The following ADGRD2 variants were observed in gnomAD, a reference collection of about 807,000 sequenced individuals.
ADGRD2 encodes adhesion G protein-coupled receptor D2.
ADGRD2 carries 71 observed loss-of-function variants against 44.4 expected under a neutral mutation model. That is an observed-to-expected ratio of 1.60 (90% CI 1.32 to 1.95). The LOEUF (loss-of-function observed/expected upper bound fraction) is 1.95. Ranked by LOEUF, ADGRD2 falls within the 30% of genes most tolerant of loss-of-function variation. ADGRD2 has a pLI of 0.00. For synonymous variants in ADGRD2, 481 were observed against 224.8 expected, an observed-to-expected ratio of 2.14 and a Z score of -10.19; for missense variants, 1,039 against 512.4, an observed-to-expected ratio of 2.03 and a Z score of -9.92.
In ADGRD2 at chr9:124,462,935, T is replaced by TCTCTC. The variant is rs1564140581; in HGVS notation, c.1871-3323_1871-3322insCTCTC. The stretch of plus-strand genomic sequence containing the variant: ...CCTTCCTGACTTTCTCTCTCTCTCT[T>TCTCTC]TCTCTCTCTCTCCTTCCTTCCTTCA... On this transcript the variant is annotated intron_variant, in intron 10 of 21. Coordinates refer to ENST00000334810, the Ensembl canonical transcript of ADGRD2. 7.4e-5 allele frequency among the ~76,000 whole-genome samples: 11 copies of TCTCTC among 149,124 alleles called. No individual in the cohort carries two copies. In the South Asian group the frequency reaches 8.7e-4, roughly 12 times the overall value.
chr9:124,450,608 T>C (rs548940180), upstream of ADGRD2, among the ~76,000 whole-genome samples: 301 of 152,176 alleles, frequency 2.0e-3, 2 homozygotes, highest in South Asian at 3.9e-3. Context: ...GGACGCGCAG[T>C]GGTGGGCAAA....
chr9:124,462,089 A>C (rs1831732518), intron 10 of ADGRD2, among the ~76,000 whole-genome samples: 1 of 151,296 alleles, frequency 6.6e-6, no homozygotes, highest in Non-Finnish European at 1.5e-5. Flanking sequence ...ACAGGGTCTC[A>C]TTTTGTTGCC....
chr9:124,453,239 C>T (rs760955825), exon 3 of ADGRD2: 12 of 566,852 alleles, frequency 2.1e-5, no homozygotes, highest in Non-Finnish European at 3.7e-5. Flanking sequence ...TTCGCCGAGC[C>T]GGGGGGCGTC....
At chr9:124,468,792 A>G in intron 14 of ADGRD2, 120 bp downstream of exon 17, 1 of 616,052 alleles carries the variant, frequency 1.6e-6, no homozygotes, top group South Asian at 1.9e-5. Context: ...AGCATCCGGC[A>G]TTTAGCGTCA....
chr9:124,452,808 C>T (rs930696374), intron 2 of ADGRD2, 86 bp downstream of exon 5: 24 of 651,516 alleles, frequency 3.7e-5, no homozygotes, highest in Non-Finnish European at 5.6e-5. Flanking sequence ...ACAATATTTG[C>T]AGAATGAGCC....
chr9:124,466,663 A>G (rs1831830747), intron 11 of ADGRD2: 5 of 295,640 alleles, frequency 1.7e-5, no homozygotes, highest in Middle Eastern at 9.2e-4. Flanking sequence ...TGCAAAAATT[A>G]GCCAGGTGTG....
intron 6 of ADGRD2, among the ~76,000 whole-genome samples, chr9:124,455,646 A>G (rs1831601791): frequency 6.6e-6 from 1 of 152,212 alleles, no homozygotes; most frequent in African/African-American, 2.4e-5. Context: ...TGAAGTGATT[A>G]AGAACCACCA....
chr9:124,473,708 T>G (rs1831993519), intron 17 of ADGRD2, among the ~76,000 whole-genome samples: 1 of 152,152 alleles, frequency 6.6e-6, no homozygotes, highest in Non-Finnish European at 1.5e-5. Flanking sequence ...AACCACAGTG[T>G]GTCATGACTG....
intron 20 of ADGRD2, 39 bp downstream of exon 23, chr9:124,476,454 AG>A (rs754044557): frequency 3.3e-5 from 23 of 690,420 alleles, no homozygotes; most frequent in Non-Finnish European, 5.6e-5. Context: ...GGGCTCTGCC[AG>A]GGGGCTGGCA....
At chr9:124,476,481 G>C (rs1199628180) in intron 20 of ADGRD2, 66 bp downstream of exon 23, 5 of 677,840 alleles carry the variant, frequency 7.4e-6, no homozygotes, top group Non-Finnish European at 1.4e-5. Context: ...AGCAGGCAAA[G>C]TCGGGAAGCC....
chr9:124,470,280 G>A lies in ADGRD2; in HGVS notation c.2638-214G>A, dbSNP rs76238387. 9.7e-4 allele frequency among the ~76,000 whole-genome samples: 148 copies of A among 152,272 alleles called. 2 individuals carry two copies. The East Asian group carries it at 0.023, about 23-fold the overall frequency. ...GCTGGGACCCCATCTCCCAAGTGCCGCTACCCTACTTCATGCCACCTCTGT... is the reference window on the plus strand; with the variant it reads ...GCTGGGACCCCATCTCCCAAGTGCCACTACCCTACTTCATGCCACCTCTGT... On this transcript the variant is annotated intron_variant, in intron 16 of 21. Coordinates refer to ENST00000334810, the Ensembl canonical transcript of ADGRD2.
chr9:124,455,423 T>C (rs1255512921), intron 6 of ADGRD2, among the ~76,000 whole-genome samples: 1 of 152,020 alleles, frequency 6.6e-6, no homozygotes, highest in Non-Finnish European at 1.5e-5. Flanking sequence ...AAACCCTGTC[T>C]CTACTAAAAA....
At chr9:124,475,309 C>G in intron 17 of ADGRD2, 137 bp from the exon 21 acceptor site, 1 of 591,054 alleles carries the variant, frequency 1.7e-6, no homozygotes, top group Non-Finnish European at 3.1e-6. Context: ...GGGCCGACTT[C>G]GTGCCCATCA....
At chr9:124,468,471 A>G in intron 13 of ADGRD2, 48 bp from the exon 17 acceptor site, 2 of 717,026 alleles carry the variant, frequency 2.8e-6, no homozygotes, top group Non-Finnish European at 5.2e-6. Flanking sequence ...GCTGGCCTGC[A>G]CCTGCGTCTG....
intron 11 of ADGRD2, chr9:124,467,446 T>A: frequency 5.4e-6 from 2 of 372,846 alleles, no homozygotes; most frequent in Non-Finnish European, 9.9e-6. Flanking sequence ...CCGGGATCCC[T>A]CCCCGTGGGC....
intron 12 of ADGRD2, 28 bp from the exon 16 acceptor site, chr9:124,468,060 T>C (rs1831862861): frequency 2.8e-6 from 2 of 718,138 alleles, no homozygotes; most frequent in African/African-American, 3.5e-5. Context: ...GTGGTGTTCT[T>C]GTTAACTGAC....
intron 6 of ADGRD2, among the ~76,000 whole-genome samples, chr9:124,456,371 C>T (rs1831616228): frequency 6.6e-6 from 1 of 152,192 alleles, no homozygotes; most frequent in Non-Finnish European, 1.5e-5. Context: ...GGAGTGTGCC[C>T]TGGTTGGCAA....
chr9:124,472,610 G>A (rs189125607), intron 17 of ADGRD2, among the ~76,000 whole-genome samples: 124 of 152,216 alleles, frequency 8.1e-4, no homozygotes, highest in Middle Eastern at 3.4e-3. Flanking sequence ...AGGTTCAAGC[G>A]ATTCTCCTGC....
chr9:124,453,195 G>T (rs1463063470), exon 3 of ADGRD2: 1 of 675,080 alleles, frequency 1.5e-6, no homozygotes, highest in Admixed American at 2.2e-5. Flanking sequence ...CCGTTGCCGC[G>T]CCCGCGCTGC....
Sources: gnomAD v4.1 joint callset for allele counts (sites outside exome capture counted in the v4.1 genomes callset) on GRCh38, gnomAD v4.1.1 for gene constraint, MANE v1.5 for transcripts, NCBI Gene and HGNC (gene_info 2026-07-23, HGNC 2026-07-21) for gene names.